Variants in PPOX observed in about 807,000 individuals in gnomAD.
PPOX encodes the protein variegate porphyria.
In PPOX, 23 loss-of-function variants were observed where a neutral mutation model predicts 54.1. The ratio of observed to expected loss-of-function variants is 0.43; its 90% CI spans 0.31 to 0.60. The LOEUF (loss-of-function observed/expected upper bound fraction) is 0.60, where lower values mean the gene tolerates loss of function less well. Ranked by LOEUF, PPOX falls within the 20% of genes least tolerant of loss-of-function variation. The pLI, the probability that PPOX is intolerant of heterozygous loss-of-function variation, is 0.13. For synonymous variants in PPOX, 224 were observed against 236.1 expected (o/e 0.95, Z 0.47); for missense variants, 512 against 601.1 (o/e 0.85, Z 1.55).
chr1:161,169,197 T>C lies in PPOX; in HGVS notation c.807+14T>C, dbSNP rs1413557110. The C allele has an allele frequency of 6.2e-7, 1 of 1,612,524 alleles. No individual in the cohort carries two copies. The highest frequency in any genetic ancestry group is 1.3e-5 in the African/African-American group (1 of 74,940). ...GGGCGCTGGAAGGTAGGGGAACCCC[T>C]GGAGTGTAATGAACCTGTCAGTGTT... On this transcript the variant is annotated intron_variant, in intron 7 of 12. Transcript: ENST00000367999.
chr1:161,171,250 A>G, downstream of PPOX: 1 of 1,609,230 alleles, frequency 6.2e-7, no homozygotes, highest in Non-Finnish European at 8.5e-7. Context: ...ACCTATAGGC[A>G]TAAGAATGCG....
rs896731202 is a variant in PPOX, at chr1:161,166,629, C to T, written c.-52C>T. 3 of 1,462,714 alleles carry T rather than the reference C, an allele frequency of 2.1e-6. No homozygotes were observed. Among genetic ancestry groups the T allele is most frequent in the East Asian group, 2.5e-5 (1 of 40,122 alleles). The allele number at this position is 1,462,714 out of a possible 1,614,324, so 90.6% of individuals were successfully genotyped here. On this transcript the variant is annotated 5_prime_UTR_variant, in exon 1 of 13. Transcript: ENST00000367999. Reference sequence around the variant, plus strand: ...CCGGCGGGGTACGGTCTTAGGACCTCGATCTCCTTCTCCCTCATTTTCTCT... The same window carrying T: ...CCGGCGGGGTACGGTCTTAGGACCTTGATCTCCTTCTCCCTCATTTTCTCT...
At chr1:161,167,557 C>CA in intron 4 of PPOX, 71 bp downstream of exon 4, 1 of 553,872 alleles carries the variant, frequency 1.8e-6, no homozygotes, top group Non-Finnish European at 2.6e-6. Context: ...TTCTTCTTTT[C>CA]TTTTTTTTTT....
At position 161,166,905 on chromosome 1, in the gene PPOX, C is replaced by T. The variant is rs931112993; in HGVS notation, c.58C>T (p.His20Tyr). Residue 20 changes from histidine to tyrosine, a missense_variant, in exon 2 of 13, where the codon CAC (histidine) becomes TAC (tyrosine). Transcript: ENST00000367999. ...GGISGLAASY[H>Y]LSRAPCPPKV... ...CATCAGCGGCTTGGCCGCCAGTTAC[C>T]ACCTGAGCCGGGCCCCCTGCCCCCC... 2 of 1,613,894 alleles carry T rather than the reference C, an allele frequency of 1.2e-6. No homozygotes were observed. Among genetic ancestry groups the T allele is most frequent in the Non-Finnish European group, 1.7e-6 (2 of 1,180,028 alleles).
At chr1:161,173,256 G>A (rs911540252), downstream of PPOX, among the ~76,000 whole-genome samples, 1 of 152,210 alleles carries the variant, frequency 6.6e-6, no homozygotes, top group African/African-American at 2.4e-5. Flanking sequence ...ACATGGAGCA[G>A]AGCCCCTCTC....
rs190919484 is a variant in PPOX, at chr1:161,168,005, C to T, written c.349C>T (p.Arg117Cys). The T allele has an allele frequency of 3.1e-4, 494 of 1,614,184 alleles. 3 individuals carry two copies. Among genetic ancestry groups the T allele is most frequent in the Non-Finnish European group, 1.9e-5 (23 of 1,180,020 alleles). ...ALPTGLRGLL[R>C]PSPPFSKPLF... ...CCTTTCTCCATGCAGGGGGCTACTC[C>T]GCCCTTCACCCCCCTTCTCCAAACC... Residue 117 changes from arginine to cysteine, a missense_variant, in exon 5 of 13, where the codon CGC becomes TGC. Coordinates refer to ENST00000367999, the MANE Select transcript of PPOX (RefSeq NM_001122764.3).
At chr1:161,171,854 A>G (rs2101917366), downstream of PPOX, 2 of 1,614,168 alleles carry the variant, frequency 1.2e-6, no homozygotes, top group Middle Eastern at 1.7e-4. Context: ...TTGGCAGTAG[A>G]TAGAGGCCCA....
upstream of PPOX, among the ~76,000 whole-genome samples, chr1:161,165,877 C>G (rs1027835001): frequency 6.6e-6 from 1 of 152,034 alleles, no homozygotes; most frequent in Non-Finnish European, 1.5e-5. Flanking sequence ...GGACCTGTGT[C>G]CCCCAGCAGT....
At position 161,168,894 on chromosome 1, in the gene PPOX, C is replaced by T. The variant is rs1660100023; in HGVS notation, c.617-99C>T. On this transcript the variant is annotated intron_variant, in intron 6 of 12. Coordinates refer to ENST00000367999, the MANE Select transcript of PPOX (RefSeq NM_001122764.3). ...GGCCAGGCTGGTCTCAAACTCCTGA[C>T]CTCAAGTGATCCACCCGCCTCGGCC... 2.1e-6 allele frequency: 3 copies of T among 1,396,612 alleles called. No homozygotes were observed. In the Admixed American group the frequency reaches 5.5e-5, roughly 26 times the overall value. The allele number at this position is 1,396,612 out of a possible 1,614,324, so 86.5% of individuals were successfully genotyped here.
chr1:161,175,080 C>A (rs1211135242), downstream of PPOX: 1 of 1,613,916 alleles, frequency 6.2e-7, no homozygotes, highest in Non-Finnish European at 8.5e-7. Context: ...GGTGGTGCTC[C>A]CGGGCACGAT....
In PPOX at chr1:161,170,689, C is replaced by G. The variant is rs1184903119; in HGVS notation, c.1168C>G (p.Gln390Glu). 1 of 1,614,112 alleles carries G rather than the reference C, an allele frequency of 6.2e-7. No individual in the cohort carries two copies. The highest frequency in any genetic ancestry group is 1.1e-5 in the South Asian group (1 of 91,082). ...CTGTGTCTTATCTCAGGAGCTGTTT[C>G]AACAGCGGGCCCAGGAAGCAGCTGC... ...SGCVLSQELF[Q>E]QRAQEAAATQ... Residue 390 changes from glutamine (Q) to glutamate (E), a missense_variant, in exon 11 of 13, where the codon CAA becomes GAA. Coordinates refer to ENST00000367999, the MANE Select transcript of PPOX (RefSeq NM_001122764.3).
At chr1:161,177,304 A>G (rs1663991732), downstream of PPOX, 1 of 558,264 alleles carries the variant, frequency 1.8e-6, no homozygotes, top group African/African-American at 1.9e-5. Flanking sequence ...CCATACTTCC[A>G]CCTAGGACCC....
intron 10 of PPOX, 23 bp downstream of exon 10, chr1:161,170,542 T>C (rs1461648088): frequency 1.2e-6 from 2 of 1,614,008 alleles, no homozygotes; most frequent in African/African-American, 2.7e-5. Context: ...AAACTTTGCC[T>C]AGTGGCATTT....
rs1288034269 is a variant in PPOX at position 161,169,694 on chromosome 1, A to G, written c.842A>G (p.His281Arg). 86 of 1,614,078 alleles carry G rather than the reference A, an allele frequency of 5.3e-5. No individual in the cohort carries two copies. The highest frequency in any genetic ancestry group is 7.0e-5 in the Non-Finnish European group (83 of 1,180,038). Residue 281 changes from histidine to arginine, a missense_variant, in exon 8 of 13, where the codon CAC becomes CGC. Coordinates refer to ENST00000367999, the MANE Select transcript of PPOX (RefSeq NM_001122764.3). ...AGGGACAGCAGTCTGGAGGCTGACC[A>G]CGTTATTAGTGCCATTCCAGCTTCA... is the stretch of plus-strand genomic sequence containing the variant. ...SLRDSSLEAD[H>R]VISAIPASVL... is the part of the protein sequence containing the mutation.
Position 161,171,142 on chromosome 1 carries a change from C to T in PPOX, c.1400C>T (p.Ala467Val), listed in dbSNP as rs1661273080. The T allele has an allele frequency of 6.2e-7, 1 of 1,613,568 alleles. No individual in the cohort carries two copies. Among genetic ancestry groups the T allele is most frequent in the East Asian group, 2.2e-5 (1 of 44,870 alleles). Residue 467 changes from alanine (A) to valine (V), a missense_variant, in exon 13 of 13, where the codon GCA becomes GTA. Physicochemically the swap from Ala to Val is moderately conservative, Grantham distance 64 (BLOSUM62 0). Coordinates refer to ENST00000367999, the MANE Select transcript of PPOX (RefSeq NM_001122764.3). ...TGTATAGAGAGTGGGCGCCAGGCAG[C>T]AGTCAGTGTCCTGGGCACAGAACCT... ...NDCIESGRQA[A>V]VSVLGTEPNS
At position 161,170,950 on chromosome 1, in the gene PPOX, G is replaced by T. The variant is rs1571418365; in HGVS notation, c.1291+1G>T. On this transcript the variant is annotated splice_donor_variant, in intron 12 of 12. Transcript: ENST00000367999. LOFTEE classifies it high-confidence loss of function. The stretch of plus-strand genomic sequence containing the variant: ...ACACTAGGTCACTGGCAAAAACTAG[G>T]TAAGTTGGGAAAACAGCTGGGCTGA... The T allele has an allele frequency of 6.2e-7, 1 of 1,614,080 alleles. No individual in the cohort carries two copies. The highest frequency in any genetic ancestry group is 8.5e-7 in the Non-Finnish European group (1 of 1,180,038).
upstream of PPOX, chr1:161,166,326 A>T: frequency 9.7e-7 from 1 of 1,029,576 alleles, no homozygotes; most frequent in South Asian, 3.6e-5. Context: ...CGCCTCTGCC[A>T]GTTCAATGTT....
intron 9 of PPOX, 82 bp from the exon 10 acceptor site, chr1:161,170,327 C>CCCCCCCCCCA: frequency 2.2e-6 from 1 of 456,928 alleles, no homozygotes; most frequent in Admixed American, 2.4e-5. Flanking sequence ...TCTGTCCCCC[C>CCCCCCCCCCA]CACCCCCCCA....
intron 3 of PPOX, 46 bp downstream of exon 3, chr1:161,167,280 C>A: frequency 6.2e-7 from 1 of 1,614,064 alleles, no homozygotes; most frequent in Non-Finnish European, 8.5e-7. Context: ...GAGGGGGCTT[C>A]CATTGGGGAA....
Sources: allele counts gnomAD v4.1 joint callset (sites outside exome capture counted in the v4.1 genomes callset), GRCh38; gene constraint gnomAD v4.1.1; transcripts MANE v1.5; gene names NCBI Gene and HGNC (gene_info 2026-07-23, HGNC 2026-07-21).